Variants in DGKK observed in about 807,000 individuals in gnomAD.
DGKK encodes the protein diacylglycerol kinase kappa.
A neutral mutation model predicts 92.2 loss-of-function variants in DGKK; 35 were observed. That is an observed-to-expected ratio of 0.38 (90% CI 0.29 to 0.50). The LOEUF is 0.50. DGKK is among the 20% of genes least tolerant of loss of function. The pLI is 0.92. For missense variants in DGKK, 910 were observed against 992.2 expected (o/e 0.92, Z 1.11); for synonymous variants, 368 against 360.6 (o/e 1.02, Z -0.23).
rs139527004 is a variant in DGKK at position 50,441,380 on chromosome X, G to T, written c.646-17022C>A. 4.5e-5 allele frequency among the ~76,000 whole-genome samples: 5 copies of T among 111,198 alleles called. No homozygotes were observed. The East Asian group carries it at 1.4e-3, about 32-fold the overall frequency. Reference sequence around the variant, plus strand: ...AGGTAAGAGGACATTCTAACTGATGGCCTGAAACTAAGGTGGGTACACGAA... The same window carrying T: ...AGGTAAGAGGACATTCTAACTGATGTCCTGAAACTAAGGTGGGTACACGAA... On this transcript the variant is annotated intron_variant, in intron 1 of 27. Transcript: ENST00000611977.
chrX:50,403,493 CT>C lies in DGKK; in HGVS notation c.1182del (p.Val395Ter). 8.3e-7 allele frequency: 1 copy of C among 1,208,059 alleles called. No individual in the cohort carries two copies. The highest frequency in any genetic ancestry group is 1.1e-6 in the Non-Finnish European group (1 of 892,186). ...ITDDLLLPAD[E>X]VNMPHQWVEG... is the part of the protein sequence containing the mutation. Reference sequence around the variant, plus strand: ...GGGAAGACATGGCTAGTACTTACTACTTCATCTGCAGGCAGAAGGAGGTCAT... The same window carrying C: ...GGGAAGACATGGCTAGTACTTACTACTCATCTGCAGGCAGAAGGAGGTCAT... On this transcript the variant is annotated frameshift_variant, in exon 6 of 28. Coordinates refer to ENST00000611977, the MANE Select transcript of DGKK (RefSeq NM_001013742.4). LOFTEE classifies it high-confidence loss of function.
At chrX:50,405,527 GGAGAGAGA>G (rs781903574) in intron 4 of DGKK, among the ~76,000 whole-genome samples, 2 of 100,961 alleles carry the variant, frequency 2.0e-5, no homozygotes, top group African/African-American at 7.4e-5. Flanking sequence ...GACAGTGGGG[GGAGAGAGA>G]GAGAGAGAGA....
rs977116150 is a variant in DGKK, at chrX:50,376,062, C to T, written c.3376G>A (p.Gly1126Ser). 4 of 1,209,651 alleles carry T rather than the reference C, an allele frequency of 3.3e-6. No individual in the cohort carries two copies. The African/African-American group carries it at 7.0e-5, about 21-fold the overall frequency. Residue 1126 changes from glycine to serine, a missense_variant, in exon 24 of 28, where the codon GGC becomes AGC. Physicochemically the swap from Gly to Ser is moderately conservative, Grantham distance 56 (BLOSUM62 0). Coordinates refer to ENST00000611977, the MANE Select transcript of DGKK (RefSeq NM_001013742.4). ...CAGGAAGCTGCACCCATCTCATTGC[C>T]ACTGTCTTGGCCGTAAAATATATCA... The part of the protein sequence containing the change: ...LNDIFYGQDS[G>S]NEMGAASCIP...
In DGKK at chrX:50,412,495, A is replaced by T. The variant is rs782347922; in HGVS notation, c.942+7908T>A. Among the ~76,000 whole-genome samples the T allele has an allele frequency of 6.2e-5, 7 of 112,342 alleles. No homozygotes were observed. The East Asian group carries it at 2.0e-3, about 31-fold the overall frequency. ...TCATTTTTCACACAAATGGAAAAAA[A>T]TCCTTAAATTTGTGTGGAACCACAA... On this transcript the variant is annotated intron_variant, in intron 4 of 27. Transcript: ENST00000611977.
intron 9 of DGKK, among the ~76,000 whole-genome samples, 161 bp from the exon 10 acceptor site, chrX:50,392,610 A>G (rs782148749): frequency 2.7e-5 from 3 of 112,540 alleles, no homozygotes; most frequent in African/African-American, 6.5e-5. Context: ...ATCTAAGACC[A>G]TAGACCATCC....
At chrX:50,414,430 T>C (rs1925381304) in intron 4 of DGKK, among the ~76,000 whole-genome samples, 1 of 111,810 alleles carries the variant, frequency 8.9e-6, no homozygotes, top group Admixed American at 9.5e-5. Context: ...CTCGTATACA[T>C]ATGTGAAAAC....
rs369763875 is a variant in DGKK, at chrX:50,420,438, T to C, written c.907A>G (p.Ile303Val). Residue 303 changes from isoleucine (I) to valine (V), a missense_variant, in exon 4 of 28, where the codon ATC becomes GTC. Coordinates refer to ENST00000611977, the MANE Select transcript of DGKK (RefSeq NM_001013742.4). ...NRKDMEEWIN[I>V]IKTIQQGEIY... ...TCTCCCTGTTGGATGGTTTTTATGA[T>C]GTTAATCCATTCTTCCATGTCTTTC... 1.7e-5 allele frequency: 20 copies of C among 1,209,246 alleles called. No individual in the cohort carries two copies. The African/African-American group carries it at 3.1e-4, about 19-fold the overall frequency.
intron 1 of DGKK, among the ~76,000 whole-genome samples, chrX:50,434,984 G>T (rs1557230639): frequency 8.9e-6 from 1 of 112,201 alleles, no homozygotes; most frequent in Non-Finnish European, 1.9e-5. Flanking sequence ...TACCTAGATG[G>T]TATTGCCTAC....
At chrX:50,392,500 T>C in intron 9 of DGKK, 51 bp from the exon 10 acceptor site, 1 of 988,445 alleles carries the variant, frequency 1.0e-6, no homozygotes, top group Admixed American at 2.2e-5. Flanking sequence ...CTGGGTTTTG[T>C]AACTTTTCCT....
At chrX:50,403,470 G>GA (rs1259183701) in intron 6 of DGKK, 21 bp downstream of exon 6, 2 of 1,179,762 alleles carry the variant, frequency 1.7e-6, no homozygotes, top group Non-Finnish European at 2.3e-6. Flanking sequence ...CCGACTGTGG[G>GA]AAGACATGGC....
intron 1 of DGKK, among the ~76,000 whole-genome samples, chrX:50,457,202 A>T (rs782536198): frequency 9.0e-6 from 1 of 111,666 alleles, no homozygotes; most frequent in Non-Finnish European, 1.9e-5. Flanking sequence ...AAAATAACCC[A>T]GTCTTGCAGC....
chrX:50,437,589 T>A (rs1165000009), intron 1 of DGKK, among the ~76,000 whole-genome samples: 3 of 110,936 alleles, frequency 2.7e-5, no homozygotes, highest in Non-Finnish European at 5.7e-5. Flanking sequence ...CTTGATAGCA[T>A]ATCCAGAAGG....
intron 8 of DGKK, among the ~76,000 whole-genome samples, chrX:50,395,912 G>C (rs1246490887): frequency 9.0e-6 from 1 of 110,829 alleles, no homozygotes. Flanking sequence ...AGGTGAATTT[G>C]ACAGTATCTA....
chrX:50,378,751 C>T, intron 20 of DGKK, 60 bp from the exon 21 acceptor site: 1 of 917,778 alleles, frequency 1.1e-6, no homozygotes, highest in African/African-American at 1.9e-5. Context: ...CTGTCTATAA[C>T]AAGAAGGCAT....
chrX:50,470,483 A>C lies in DGKK; in HGVS notation c.196T>G (p.Cys66Gly), dbSNP rs781816096. 33 of 1,211,270 alleles carry C rather than the reference A, an allele frequency of 2.7e-5. No individual in the cohort carries two copies. Among genetic ancestry groups the C allele is most frequent in the Non-Finnish European group, 3.7e-5 (33 of 895,384 alleles). The change falls in exon 1 of 28, where the codon TGT (cysteine) becomes GGT (glycine). Residue 66 changes from cysteine (C) to glycine (G), a missense_variant. Transcript: ENST00000611977. ...EPCPELAPGP[C>G]PEATSESATE... The stretch of plus-strand genomic sequence containing the variant: ...GCTGATTCTGAGGTCGCCTCTGGAC[A>C]GGGACCTGGAGCAAGCTCTGGACAG...
intron 1 of DGKK, among the ~76,000 whole-genome samples, chrX:50,435,542 T>C (rs1925997869): frequency 8.9e-6 from 1 of 112,202 alleles, no homozygotes; most frequent in African/African-American, 3.2e-5. Context: ...GTTTGGTTTT[T>C]ACTTTTTCTC....
chrX:50,386,670 G>A, intron 14 of DGKK, 84 bp from the exon 15 acceptor site: 1 of 831,057 alleles, frequency 1.2e-6, no homozygotes, highest in Non-Finnish European at 1.7e-6. Context: ...GTGATATGGG[G>A]AAGGGTAGGG....
At chrX:50,386,678 G>A in intron 14 of DGKK, 92 bp from the exon 15 acceptor site, 1 of 767,759 alleles carries the variant, frequency 1.3e-6, no homozygotes, top group East Asian at 3.4e-5. Context: ...GGGAAGGGTA[G>A]GGAGGGGTAA....
chrX:50,418,156 A>G (rs1157611669), intron 4 of DGKK, among the ~76,000 whole-genome samples: 2 of 111,221 alleles, frequency 1.8e-5, no homozygotes, highest in Non-Finnish European at 3.8e-5. Context: ...GCCCATACTT[A>G]TCTCTTTCTC....
Sources: gnomAD v4.1 joint callset for allele counts (sites outside exome capture counted in the v4.1 genomes callset) on GRCh38, gnomAD v4.1.1 for gene constraint, MANE v1.5 for transcripts, NCBI Gene and HGNC (gene_info 2026-07-23, HGNC 2026-07-21) for gene names.